The following SLC25A33 variants were observed in gnomAD, a reference collection of about 807,000 sequenced individuals.
SLC25A33 encodes the protein solute carrier family 25 member 33, also known as bone marrow stromal cell mitochondrial carrier protein.
SLC25A33 carries 15 observed loss-of-function variants against 35.5 expected under a neutral mutation model. The observed-to-expected ratio is 0.42, with a 90% CI of 0.28 to 0.65. SLC25A33 has a LOEUF of 0.65. SLC25A33 is among the 30% of genes least tolerant of loss of function. The pLI is 0.20. For synonymous variants in SLC25A33, 136 were observed against 148.7 expected, an observed-to-expected ratio of 0.91 and a Z score of 0.62; for missense variants, 257 against 398.5, an observed-to-expected ratio of 0.64 and a Z score of 3.02.
At chr1:9,540,304 G>A (rs1643059642) in intron 1 of SLC25A33, among the ~76,000 whole-genome samples, 1 of 152,172 alleles carries the variant, frequency 6.6e-6, no homozygotes, top group South Asian at 2.1e-4. Context: ...GGCTAAGCCA[G>A]GGACCCGAAC....
rs971328011 is a variant in SLC25A33, at chr1:9,554,707, T to C, written c.236+902T>C. Among the ~76,000 whole-genome samples the C allele has an allele frequency of 3.9e-5, 6 of 152,218 alleles. 1 individual carries two copies. The highest frequency in any genetic ancestry group is 2.0e-4 in the Admixed American group (3 of 15,280). ...TATTTTTAAATGTGTAGAAAAGTTATGTTTAATAAAATGGGCTTTAAAATT... is the reference window on the plus strand; with the variant it reads ...TATTTTTAAATGTGTAGAAAAGTTACGTTTAATAAAATGGGCTTTAAAATT... On this transcript the variant is annotated intron_variant, in intron 2 of 6. Transcript: ENST00000302692.
chr1:9,577,503 AAAAG>A (rs1183184733), intron 5 of SLC25A33, among the ~76,000 whole-genome samples: 1 of 152,166 alleles, frequency 6.6e-6, no homozygotes, highest in Non-Finnish European at 1.5e-5. Context: ...AGGAAAAAAG[AAAAG>A]AAAGCATGGT....
intron 2 of SLC25A33, among the ~76,000 whole-genome samples, chr1:9,562,949 C>T (rs1318890287): frequency 2.2e-5 from 3 of 138,946 alleles, no homozygotes; most frequent in East Asian, 2.1e-4. Flanking sequence ...GGCAGAATCT[C>T]GCTCTGTCAC....
At chr1:9,567,437 C>T in intron 3 of SLC25A33, 76 bp downstream of exon 3, 1 of 1,309,464 alleles carries the variant, frequency 7.6e-7, no homozygotes, top group Non-Finnish European at 1.1e-6. Flanking sequence ...AAGGGTGATG[C>T]TGCTGAATGA....
intron 3 of SLC25A33, among the ~76,000 whole-genome samples, chr1:9,568,942 T>C (rs1449952523): frequency 6.6e-6 from 1 of 151,440 alleles, no homozygotes; most frequent in Non-Finnish European, 1.5e-5. Flanking sequence ...TCCAGATCAG[T>C]GCTCCAATTT....
chr1:9,544,342 C>T (rs921498887), intron 1 of SLC25A33, among the ~76,000 whole-genome samples: 19 of 150,564 alleles, frequency 1.3e-4, no homozygotes, highest in African/African-American at 4.1e-4. Flanking sequence ...CATCTCGGCT[C>T]GCTGCAACCT....
At chr1:9,564,765 T>TATATATATATATATATATATATATAC (rs59741987) in intron 2 of SLC25A33, among the ~76,000 whole-genome samples, 29 of 114,756 alleles carry the variant, frequency 2.5e-4, no homozygotes, top group South Asian at 1.3e-3. Flanking sequence ...TATATATATA[T>TATATATATATATATATATATATATAC]ACACAAAAAT....
chr1:9,547,346 C>T (rs1643188773), intron 1 of SLC25A33, among the ~76,000 whole-genome samples: 1 of 152,006 alleles, frequency 6.6e-6, no homozygotes, highest in Non-Finnish European at 1.5e-5. Context: ...CACAGCTACC[C>T]CGGAGGCTGA....
intron 2 of SLC25A33, among the ~76,000 whole-genome samples, chr1:9,560,856 T>A (rs954274071): frequency 6.6e-6 from 1 of 151,806 alleles, no homozygotes. Flanking sequence ...AAATAGTATA[T>A]GTATTTCAGG....
chr1:9,574,118 C>CTTTTTTT (rs57215050), intron 5 of SLC25A33, among the ~76,000 whole-genome samples: 20 of 134,366 alleles, frequency 1.5e-4, no homozygotes, highest in African/African-American at 4.4e-4. Flanking sequence ...CTTTTCTTTT[C>CTTTTTTT]TTTTTTTTTT....
chr1:9,554,413 G>A (rs1643312003), intron 2 of SLC25A33, among the ~76,000 whole-genome samples: 1 of 152,204 alleles, frequency 6.6e-6, no homozygotes, highest in Non-Finnish European at 1.5e-5. Context: ...AAACTGGAGT[G>A]CAATGGCACA....
Position 9,582,597 on chromosome 1 carries a change from G to A in SLC25A33, c.*96G>A, listed in dbSNP as rs1372703115. On this transcript the variant is annotated 3_prime_UTR_variant, in exon 7 of 7. Coordinates refer to ENST00000302692, the MANE Select transcript of SLC25A33 (RefSeq NM_032315.3). The surrounding 1 kb of genome is among the most constrained non-coding windows in gnomAD (Gnocchi z 4.0). ...TTTAGAAAGTTTGAGACTGAAACAG[G>A]AAAGGCCATAAAATATCTGGTTCAT... The A allele has an allele frequency of 2.5e-6, 3 of 1,210,620 alleles. No homozygotes were observed. Among genetic ancestry groups the A allele is most frequent in the Non-Finnish European group, 2.3e-6 (2 of 869,124 alleles). 75.0% of individuals were successfully genotyped at this position (1,210,620 alleles called of 1,614,324 possible). A position where few individuals can be genotyped will look rare whatever the true frequency, so the allele number is the denominator to read the frequency against.
intron 5 of SLC25A33, among the ~76,000 whole-genome samples, chr1:9,575,030 G>A (rs1321776525): frequency 2.6e-5 from 4 of 151,674 alleles, no homozygotes; most frequent in African/African-American, 9.7e-5. Context: ...TGGCTAACAC[G>A]GTGAAACCCT....
At position 9,572,918 on chromosome 1, in the gene SLC25A33, A is replaced by T. The variant is rs544728781; in HGVS notation, c.416-428A>T. ...CGTCTCTACAAAAAAAAAAAAAAAA[A>T]TTTTTTTAAAGAGATGGAGAAGGCA... On this transcript the variant is annotated intron_variant, in intron 4 of 6. Coordinates refer to ENST00000302692, the MANE Select transcript of SLC25A33 (RefSeq NM_032315.3). Among the ~76,000 whole-genome samples, 638 of 151,454 alleles carry T rather than the reference A, an allele frequency of 4.2e-3. 7 individuals carry two copies. The highest frequency in any genetic ancestry group is 0.014 in the African/African-American group (558 of 41,304).
chr1:9,565,386 GGTGCCTGTA>G (rs1345520985), intron 2 of SLC25A33, among the ~76,000 whole-genome samples: 2 of 151,870 alleles, frequency 1.3e-5, no homozygotes, highest in African/African-American at 4.8e-5. Flanking sequence ...CGTGGTGGTG[GGTGCCTGTA>G]GTCCCAGCTA....
In SLC25A33 at chr1:9,547,087, A is replaced by G. The variant is rs186950599; in HGVS notation, c.57-6539A>G. ...TAAACAAGGCAAAGTAGATGTTATGATGTGGACATGCTTCAGTGAGTCAGG... is the reference window on the plus strand; with the variant it reads ...TAAACAAGGCAAAGTAGATGTTATGGTGTGGACATGCTTCAGTGAGTCAGG... On this transcript the variant is annotated intron_variant, in intron 1 of 6. Coordinates refer to ENST00000302692, the MANE Select transcript of SLC25A33 (RefSeq NM_032315.3). Among the ~76,000 whole-genome samples, 16 of 152,336 alleles carry G rather than the reference A, an allele frequency of 1.1e-4. No individual in the cohort carries two copies. In the East Asian group the frequency reaches 3.1e-3, roughly 29 times the overall value.
At chr1:9,576,561 C>CA (rs1643662790) in intron 5 of SLC25A33, 1 of 554,082 alleles carries the variant, frequency 1.8e-6, no homozygotes, top group African/African-American at 1.9e-5. Flanking sequence ...ATGTAGAACT[C>CA]AGTCTAAAGA....
intron 5 of SLC25A33, chr1:9,576,406 T>TCGGTGG: frequency 5.7e-6 from 2 of 353,856 alleles, no homozygotes; most frequent in South Asian, 4.4e-5. Flanking sequence ...CCAGGTGGGC[T>TCGGTGG]TTGCCGTGTC....
At chr1:9,544,828 T>C (rs1368147983) in intron 1 of SLC25A33, among the ~76,000 whole-genome samples, 4 of 152,300 alleles carry the variant, frequency 2.6e-5, no homozygotes, top group African/African-American at 4.8e-5. Context: ...GTGCCCGATA[T>C]GCATGTATGC....
Sources: allele counts gnomAD v4.1 joint callset (sites outside exome capture counted in the v4.1 genomes callset), GRCh38; gene constraint gnomAD v4.1.1; non-coding constraint Gnocchi (gnomAD v3.1); transcripts MANE v1.5; gene names NCBI Gene and HGNC (gene_info 2026-07-23, HGNC 2026-07-21).